Variants in HMCN2 observed in about 807,000 individuals in gnomAD.
HMCN2 encodes the protein hemicentin-2.
HMCN2 carries 325 observed loss-of-function variants against 377.5 expected under a neutral mutation model. That is an observed-to-expected ratio of 0.86 (90% CI 0.79 to 0.94). The LOEUF (loss-of-function observed/expected upper bound fraction) is 0.94, where lower values mean the gene tolerates loss of function less well. Among genes scored for constraint, HMCN2 ranks in the 40% least tolerant of loss-of-function variants. HMCN2 has a pLI of 0.00. For synonymous variants in HMCN2, 2,007 were observed against 2,046.8 expected (o/e 0.98, Z 0.53); for missense variants, 4,543 against 4,725.3 (o/e 0.96, Z 1.13).
intron 22 of HMCN2, among the ~76,000 whole-genome samples, chr9:130,330,600 C>T (rs904536552): frequency 2.0e-5 from 3 of 152,060 alleles, no homozygotes; most frequent in African/African-American, 4.8e-5. Context: ...TAGGTATCTT[C>T]GACCCCCCCA....
chr9:130,307,679 C>G, intron 14 of HMCN2, 113 bp downstream of exon 14: 1 of 439,734 alleles, frequency 2.3e-6, no homozygotes, highest in South Asian at 1.6e-5. Flanking sequence ...GGTTCTGCTC[C>G]CCGCCGCCCT....
At chr9:130,380,568 C>A (rs1019061779) in intron 54 of HMCN2, among the ~76,000 whole-genome samples, 1 of 152,088 alleles carries the variant, frequency 6.6e-6, no homozygotes, top group African/African-American at 2.4e-5. Flanking sequence ...GGGAGGATCG[C>A]TTGAGCCCAG....
In HMCN2 at chr9:130,425,091, T is replaced by C. The variant is rs2131813400; in HGVS notation, c.13602T>C (p.Val4534=). The change falls in exon 89 of 98, where the codon GTT becomes GTC. Residue 4534 remains valine (V), a synonymous_variant. Transcript: ENST00000683500. ...LLLLDVVVNG[V]VPESLADADL... The stretch of plus-strand genomic sequence containing the variant: ...TCCTCGACGTGGTGGTCAATGGCGT[T>C]GTCCCCGAGAGCCTGGCTGACGCAG... The C allele has an allele frequency of 3.2e-6, 5 of 1,549,870 alleles. No individual in the cohort carries two copies. In the South Asian group the frequency reaches 4.8e-5, roughly 15 times the overall value.
chr9:130,433,509 G>A lies in HMCN2; in HGVS notation c.15056G>A (p.Ser5019Asn). 1.3e-6 allele frequency: 2 copies of A among 1,492,918 alleles called. No homozygotes were observed. The highest frequency in any genetic ancestry group is 1.8e-6 in the Non-Finnish European group (2 of 1,128,540). 92.5% of individuals were successfully genotyped at this position (1,492,918 alleles called of 1,614,324 possible). A position where few individuals can be genotyped will look rare whatever the true frequency, so the allele number is the denominator to read the frequency against. The change falls in exon 98 of 98, where the codon AGC becomes AAC. Residue 5019 changes from serine (S) to asparagine (N), a missense_variant. Transcript: ENST00000683500. ...GTCCCCGCCAACCGCACCGAGCTCAGCATGCTGGAGCCCGACCCCCGCAGC... is the reference window on the plus strand; with the variant it reads ...GTCCCCGCCAACCGCACCGAGCTCAACATGCTGGAGCCCGACCCCCGCAGC... ...VGVPANRTEL[S>N]MLEPDPRSPF...
intron 74 of HMCN2, among the ~76,000 whole-genome samples, chr9:130,398,061 G>A (rs1444777114): frequency 6.8e-6 from 1 of 146,930 alleles, no homozygotes; most frequent in African/African-American, 2.6e-5. Context: ...GCTGAGGTGG[G>A]AGGATCACTT....
intron 37 of HMCN2, 32 bp downstream of exon 37, chr9:130,359,446 T>G (rs1291481175): frequency 8.4e-7 from 1 of 1,193,438 alleles, no homozygotes; most frequent in East Asian, 5.9e-5. Context: ...GAAAGCTACT[T>G]CCAGCCCAAT....
At chr9:130,397,337 T>C (rs1046982516) in intron 73 of HMCN2, among the ~76,000 whole-genome samples, 191 bp from the exon 74 acceptor site, 1 of 152,182 alleles carries the variant, frequency 6.6e-6, no homozygotes, top group Non-Finnish European at 1.5e-5. Context: ...AATCATCTCC[T>C]ACCAGGTCCC....
intron 22 of HMCN2, among the ~76,000 whole-genome samples, chr9:130,329,915 A>G (rs1838337337): frequency 6.6e-6 from 1 of 151,924 alleles, no homozygotes; most frequent in Admixed American, 6.6e-5. Flanking sequence ...AGACTTAAAA[A>G]GCCCCTTGGA....
intron 2 of HMCN2, 23 bp downstream of exon 2, chr9:130,284,696 T>C (rs185937522): frequency 6.4e-6 from 3 of 470,938 alleles, no homozygotes; most frequent in African/African-American, 4.0e-5. Context: ...TGACCCTCTG[T>C]CCCACTCTTT....
chr9:130,404,838 C>G, intron 80 of HMCN2, 31 bp from the exon 81 acceptor site: 1 of 1,200,698 alleles, frequency 8.3e-7, no homozygotes, highest in South Asian at 1.5e-5. Flanking sequence ...CCCTGAGCCC[C>G]GGTTCCGAGT....
intron 15 of HMCN2, among the ~76,000 whole-genome samples, chr9:130,314,607 C>T (rs1230604517): frequency 6.6e-6 from 1 of 152,124 alleles, no homozygotes; most frequent in African/African-American, 2.4e-5. Context: ...GCTGTGGAGA[C>T]CCCTCCCCGG....
chr9:130,427,442 G>T (rs1051275905), intron 91 of HMCN2, 55 bp from the exon 92 acceptor site: 7 of 1,550,340 alleles, frequency 4.5e-6, no homozygotes, highest in South Asian at 1.2e-5. Context: ...GCTTCTCCCA[G>T]CCAGCTGGCA....
intron 93 of HMCN2, 184 bp from the exon 94 acceptor site, chr9:130,429,373 C>G (rs537326828): frequency 1.5e-6 from 1 of 682,138 alleles, no homozygotes; most frequent in African/African-American, 1.8e-5. Context: ...GACCTGGAAC[C>G]CTGTTGACCT....
rs1343044448 is a variant in HMCN2 at position 130,403,193 on chromosome 9, G to A, written c.11879-1G>A. 1.7e-5 allele frequency: 22 copies of A among 1,288,556 alleles called. No individual in the cohort carries two copies. The East Asian group carries it at 1.2e-3, about 68-fold the overall frequency. 79.8% of individuals were successfully genotyped at this position (1,288,556 alleles called of 1,614,324 possible). On this transcript the variant is annotated splice_acceptor_variant, in intron 78 of 97. Transcript: ENST00000683500. LOFTEE classifies it high-confidence loss of function. ...GCCCTCTGCACCCCCGTCCTTTGTA[G>A]CCTCCCCGGTGGTGAAGCCGCTGCC...
intron 7 of HMCN2, 100 bp downstream of exon 7, chr9:130,296,894 G>C: frequency 2.4e-6 from 1 of 420,156 alleles, no homozygotes; most frequent in Non-Finnish European, 5.0e-6. Flanking sequence ...ATGCTTGGCT[G>C]TGTGTGACTG....
chr9:130,317,490 TCTCTCTCTCTCTCTC>T (rs1302453936), intron 15 of HMCN2, among the ~76,000 whole-genome samples: 5 of 149,532 alleles, frequency 3.3e-5, no homozygotes, highest in African/African-American at 7.4e-5. Flanking sequence ...TCTCTCTCTC[TCTCTCTCTCTCTCTC>T]TTTTTTGTAG....
Position 130,388,645 on chromosome 9 carries a change from A to G in HMCN2, c.9523+105A>G, listed in dbSNP as rs993126054. On this transcript the variant is annotated intron_variant, in intron 62 of 97. Transcript: ENST00000683500. The stretch of plus-strand genomic sequence containing the variant: ...GTTATTGGTTGTTGATGATCTTGGC[A>G]AAACCAGAGACTGGCAGTGCCGTGT... The G allele has an allele frequency of 7.1e-5, 59 of 829,050 alleles. No homozygotes were observed. In the African/African-American group the frequency reaches 9.8e-4, roughly 14 times the overall value. 51.4% of individuals were successfully genotyped at this position (829,050 alleles called of 1,614,324 possible).
At chr9:130,432,237 C>G (rs1450297673) in intron 96 of HMCN2, among the ~76,000 whole-genome samples, 192 bp from the exon 97 acceptor site, 4 of 152,162 alleles carry the variant, frequency 2.6e-5, no homozygotes, top group Non-Finnish European at 5.9e-5. Flanking sequence ...AAAGCCCTGG[C>G]CCCCCGAGGG....
chr9:130,404,199 A>T lies in HMCN2; in HGVS notation c.12148+324A>T, dbSNP rs1320742994. Among the ~76,000 whole-genome samples, 62 of 152,168 alleles carry T rather than the reference A, an allele frequency of 4.1e-4. 2 individuals are homozygous for T. The highest frequency in any genetic ancestry group is 4.1e-3 in the Admixed American group (62 of 15,286). On this transcript the variant is annotated intron_variant, in intron 80 of 97. Transcript: ENST00000683500. ...TTAGTTTGATCAATCATTGGCTTCA[A>T]AGATCAGGTGGCATCACTGGCCAAA...
Sources: allele counts gnomAD v4.1 joint callset (sites outside exome capture counted in the v4.1 genomes callset), GRCh38; gene constraint gnomAD v4.1.1; transcripts MANE v1.5; gene names NCBI Gene and HGNC (gene_info 2026-07-23, HGNC 2026-07-21).